Variants in ARHGAP6 observed in about 807,000 individuals in gnomAD.
ARHGAP6 encodes the protein Rho GTPase activating protein 6.
In ARHGAP6, 16 loss-of-function variants were observed where a neutral mutation model predicts 55.7. That is an observed-to-expected ratio of 0.29 (90% CI 0.19 to 0.44). The LOEUF is 0.44. ARHGAP6 is among the 20% of genes least tolerant of loss of function. The pLI, the probability that ARHGAP6 is intolerant of heterozygous loss-of-function variation, is 1.00. For synonymous variants in ARHGAP6, 382 were observed against 360.9 expected (o/e 1.06, Z -0.66); for missense variants, 698 against 808.9 (o/e 0.86, Z 1.66).
chrX:11,340,661 G>A (rs2048693599), intron 1 of ARHGAP6, among the ~76,000 whole-genome samples: 1 of 107,418 alleles, frequency 9.3e-6, no homozygotes, highest in Admixed American at 9.8e-5. Flanking sequence ...CCCGGGAAGC[G>A]GAGCTTGCAG....
intron 1 of ARHGAP6, among the ~76,000 whole-genome samples, chrX:11,585,402 AT>A (rs1429652476): frequency 6.2e-5 from 7 of 112,556 alleles, no homozygotes; most frequent in African/African-American, 1.9e-4. Flanking sequence ...CCAGCAGTGT[AT>A]AAGTGTTTCT....
intron 2 of ARHGAP6, among the ~76,000 whole-genome samples, chrX:11,233,229 C>A (rs1373128117): frequency 1.8e-5 from 2 of 112,304 alleles, no homozygotes; most frequent in Non-Finnish European, 3.8e-5. Flanking sequence ...GCATGTGGAA[C>A]AAATTCAAAC....
At chrX:11,294,757 G>T in intron 1 of ARHGAP6, 1 of 1,203,118 alleles carries the variant, frequency 8.3e-7, no homozygotes, top group South Asian at 1.8e-5. Flanking sequence ...AAGAAAAGTG[G>T]ATGTTGACTT....
At chrX:11,612,540 C>T (rs1027571293) in intron 1 of ARHGAP6, among the ~76,000 whole-genome samples, 2 of 112,060 alleles carry the variant, frequency 1.8e-5, no homozygotes, top group Admixed American at 1.9e-4. Flanking sequence ...CCTTCTGCCA[C>T]GTGAGGGCAC....
chrX:11,455,570 T>C (rs1280179249), intron 1 of ARHGAP6, among the ~76,000 whole-genome samples: 1 of 112,323 alleles, frequency 8.9e-6, no homozygotes, highest in East Asian at 2.8e-4. Flanking sequence ...AAGGAGTCTG[T>C]AAGTCCCTAT....
intron 1 of ARHGAP6, among the ~76,000 whole-genome samples, chrX:11,389,817 C>T (rs1042379973): frequency 2.7e-5 from 3 of 111,333 alleles, no homozygotes; most frequent in African/African-American, 9.8e-5. Flanking sequence ...TAATATCACC[C>T]CCAAACATGA....
intron 1 of ARHGAP6, among the ~76,000 whole-genome samples, chrX:11,431,245 G>A (rs113074963): frequency 1.0e-3 from 115 of 112,243 alleles, no homozygotes; most frequent in African/African-American, 3.7e-3. Context: ...TACTCTACTA[G>A]CATCACCTTT....
chrX:11,581,089 G>A (rs192974645), intron 1 of ARHGAP6, among the ~76,000 whole-genome samples: 1 of 112,131 alleles, frequency 8.9e-6, no homozygotes, highest in African/African-American at 3.2e-5. Flanking sequence ...CTTAATAATT[G>A]AAAATACAAC....
chrX:11,467,316 C>T (rs1035895632), intron 1 of ARHGAP6, among the ~76,000 whole-genome samples: 3 of 110,217 alleles, frequency 2.7e-5, no homozygotes, highest in Admixed American at 9.7e-5. Context: ...GCACTCACCA[C>T]AATCATGGCT....
chrX:11,460,708 C>T (rs1054998131), intron 1 of ARHGAP6, among the ~76,000 whole-genome samples: 5 of 111,736 alleles, frequency 4.5e-5, no homozygotes, highest in African/African-American at 1.3e-4. Flanking sequence ...TATTTAAGTG[C>T]CTCCTCCTGC....
intron 1 of ARHGAP6, among the ~76,000 whole-genome samples, chrX:11,566,810 A>G (rs2051446623): frequency 8.9e-6 from 1 of 112,660 alleles, no homozygotes; most frequent in African/African-American, 3.2e-5. Flanking sequence ...AGCATAACAA[A>G]AGCCAAAATT....
At chrX:11,515,581 A>T (rs1385186013) in intron 1 of ARHGAP6, among the ~76,000 whole-genome samples, 1 of 112,168 alleles carries the variant, frequency 8.9e-6, no homozygotes, top group Non-Finnish European at 1.9e-5. Flanking sequence ...ATGGAAATTT[A>T]TACCATTTAA....
chrX:11,156,736 C>G, intron 9 of ARHGAP6, 110 bp from the exon 10 acceptor site: 1 of 572,178 alleles, frequency 1.7e-6, no homozygotes, highest in Non-Finnish European at 2.8e-6. Flanking sequence ...AGCTGCAAGA[C>G]AGCAGAATGA....
intron 2 of ARHGAP6, among the ~76,000 whole-genome samples, chrX:11,253,163 C>T (rs1002994882): frequency 1.8e-5 from 2 of 110,847 alleles, no homozygotes; most frequent in Admixed American, 1.9e-4. Context: ...CATCCTCAGC[C>T]TTTACCCACT....
At position 11,664,285 on chromosome X, in the gene ARHGAP6, G is replaced by C. The variant is rs2052730718; in HGVS notation, c.544C>G (p.Pro182Ala). 8.3e-7 allele frequency: 1 copy of C among 1,211,882 alleles called. No individual in the cohort carries two copies. Among genetic ancestry groups the C allele is most frequent in the Non-Finnish European group, 1.1e-6 (1 of 895,418 alleles). Reference protein sequence around the residue: ...RWLQQRKFQSPPDSRGHPYVV... With the variant: ...RWLQQRKFQSAPDSRGHPYVV... ...TAGGGGTGCCCGCGACTGTCGGGTG[G>C]GGACTGGAACTTCCTCTGCTGGAGC... The change falls in exon 1 of 13, where the codon CCA becomes GCA. Residue 182 changes from proline to alanine, a missense_variant. Pro to Ala is a conservative substitution (Grantham distance 27). Around this residue, in one of 3 missense-constraint regions of ARHGAP6, gnomAD observed 322 missense variants for 451.1 expected, o/e 0.71. Transcript: ENST00000337414.
chrX:11,300,350 G>A (rs752351967), intron 1 of ARHGAP6, among the ~76,000 whole-genome samples: 2 of 111,162 alleles, frequency 1.8e-5, no homozygotes, highest in Non-Finnish European at 3.8e-5. Context: ...CATGCAAGAC[G>A]TACCCCCCAA....
intron 1 of ARHGAP6, among the ~76,000 whole-genome samples, chrX:11,425,653 G>C (rs1319053630): frequency 8.9e-6 from 1 of 112,223 alleles, no homozygotes; most frequent in Non-Finnish European, 1.9e-5. Context: ...AGTCTTCAGA[G>C]CCCCAAGAGG....
At chrX:11,302,466 C>T (rs1452781496) in intron 1 of ARHGAP6, among the ~76,000 whole-genome samples, 1 of 111,988 alleles carries the variant, frequency 8.9e-6, no homozygotes, top group African/African-American at 3.2e-5. Flanking sequence ...CATTCTCTTC[C>T]TCAGGCCAAA....
intron 2 of ARHGAP6, among the ~76,000 whole-genome samples, chrX:11,200,620 G>C (rs1239607097): frequency 8.9e-6 from 1 of 112,168 alleles, no homozygotes; most frequent in South Asian, 3.7e-4. Context: ...CCATTTTAAG[G>C]CTTCTTTCTC....
Sources: gnomAD v4.1 joint callset for allele counts (sites outside exome capture counted in the v4.1 genomes callset) on GRCh38, gnomAD v4.1.1 for gene constraint, gnomAD v4.1.1 regional missense constraint, MANE v1.5 for transcripts, NCBI Gene and HGNC (gene_info 2026-07-23, HGNC 2026-07-21) for gene names.